Variants in DSC1 observed in about 807,000 individuals in gnomAD.
The protein encoded by DSC1 is desmocollin-1.
Under a neutral mutation model 98.8 loss-of-function variants are expected in DSC1, and 79 were observed. The observed-to-expected ratio is 0.80, with a 90% CI of 0.67 to 0.96. DSC1 has a LOEUF of 0.96. DSC1 is among the 50% of genes least tolerant of loss of function. The probability of loss-of-function intolerance (pLI) is 0.00; values close to 1 mark genes in which losing one functional copy is unlikely to be tolerated. For missense variants in DSC1, 1,115 were observed against 1,075.9 expected (o/e 1.04, Z -0.51); for synonymous variants, 405 against 372.1 (o/e 1.09, Z -1.02).
At chr18:31,145,135 C>G (rs1187689978) in intron 7 of DSC1, among the ~76,000 whole-genome samples, 2 of 151,530 alleles carry the variant, frequency 1.3e-5, no homozygotes, top group Non-Finnish European at 2.9e-5. Flanking sequence ...GTAGAGACGG[C>G]GTTTCATGGT....
intron 5 of DSC1, among the ~76,000 whole-genome samples, chr18:31,149,858 A>G (rs1403082301): frequency 2.0e-5 from 3 of 152,066 alleles, no homozygotes; most frequent in East Asian, 3.9e-4. Context: ...CTTCCTACTC[A>G]TTTTTCTCCA....
chr18:31,162,486 A>C (rs1215341815), intron 1 of DSC1, 46 bp downstream of exon 1: 1 of 1,576,914 alleles, frequency 6.3e-7, no homozygotes. Flanking sequence ...GAGAGGAAGC[A>C]GGTAGTAACA....
intron 7 of DSC1, among the ~76,000 whole-genome samples, chr18:31,145,185 G>C (rs998222574): frequency 5.9e-5 from 9 of 151,556 alleles, no homozygotes; most frequent in Non-Finnish European, 1.2e-4. Flanking sequence ...CTCATGATCC[G>C]CCCGCCTCAG....
Position 31,156,151 on chromosome 18 carries a change from C to T in DSC1, c.363G>A (p.Lys121=). 1 of 1,610,934 alleles carries T rather than the reference C, an allele frequency of 6.2e-7. No individual in the cohort carries two copies. The highest frequency in any genetic ancestry group is 8.5e-7 in the Non-Finnish European group (1 of 1,179,358). ...TGAGGGCTGTGTCTTTGGTATGTCT[C>T]TTCTTAGGAGACTACATTTGACAAG... is the stretch of plus-strand genomic sequence containing the variant. ...LSARENKSPK[K]RHTKDTALKR... The change falls in exon 4 of 16, where the codon AAG becomes AAA. Residue 121 remains lysine (K), a synonymous_variant. Transcript: ENST00000257198.
chr18:31,137,605 T>G (rs775888206), intron 11 of DSC1, among the ~76,000 whole-genome samples: 3 of 152,172 alleles, frequency 2.0e-5, no homozygotes, highest in Admixed American at 6.6e-5. Flanking sequence ...TTAAGCTTGT[T>G]AGGAGAACAG....
Position 31,162,659 on chromosome 18 carries a change from G to A in DSC1, c.-65C>T, listed in dbSNP as rs1257340617. 4 of 1,478,338 alleles carry A rather than the reference G, an allele frequency of 2.7e-6. No homozygotes were observed. The highest frequency in any genetic ancestry group is 3.8e-6 in the Non-Finnish European group (4 of 1,058,874). The allele number at this position is 1,478,338 out of a possible 1,614,324, so 91.6% of individuals were successfully genotyped here. On this transcript the variant is annotated 5_prime_UTR_variant, in exon 1 of 16. Transcript: ENST00000257198. ...CAGGGCAGCCTGGGATGCACAGAGC[G>A]GCTAAGAAGACGCTGGCACTTGCAC...
At chr18:31,130,874 A>G (rs935775478) in intron 15 of DSC1, 163 bp from the exon 16 acceptor site, 5 of 1,568,736 alleles carry the variant, frequency 3.2e-6, no homozygotes, top group Non-Finnish European at 2.6e-6. Context: ...GGTCTGTATT[A>G]TAGTCACTCT....
intron 1 of DSC1, among the ~76,000 whole-genome samples, chr18:31,161,430 C>A (rs1297975781): frequency 6.6e-6 from 1 of 152,012 alleles, no homozygotes; most frequent in Non-Finnish European, 1.5e-5. Flanking sequence ...TCCACTCCCA[C>A]CCCCATCTTC....
At chr18:31,130,924 T>C in intron 15 of DSC1, 1 of 1,308,144 alleles carries the variant, frequency 7.6e-7, no homozygotes, top group Admixed American at 2.3e-5. Flanking sequence ...AGTGAGCACA[T>C]TTAAAAAATT....
chr18:31,134,789 G>A lies in DSC1; in HGVS notation c.1664-5C>T, dbSNP rs370981346. On this transcript the variant is annotated splice_polypyrimidine_tract_variant and splice_region_variant and intron_variant, in intron 11 of 15. Coordinates refer to ENST00000257198, the MANE Select transcript of DSC1 (RefSeq NM_024421.2). Reference sequence around the variant, plus strand: ...TTCCAGTGCAAGATCGGCCAACTAAGATTAATTAAAAATAGGTTATTTCTT... The same window carrying A: ...TTCCAGTGCAAGATCGGCCAACTAAAATTAATTAAAAATAGGTTATTTCTT... 22 of 1,600,108 alleles carry A rather than the reference G, an allele frequency of 1.4e-5. No homozygotes were observed. The highest frequency in any genetic ancestry group is 1.9e-5 in the Non-Finnish European group (22 of 1,169,888).
chr18:31,148,517 C>A lies in DSC1; in HGVS notation c.753G>T (p.Val251=). The A allele has an allele frequency of 6.3e-7, 1 of 1,599,966 alleles. No homozygotes were observed. The highest frequency in any genetic ancestry group is 1.1e-5 in the South Asian group (1 of 89,210). The change falls in exon 6 of 16, where the codon GTG becomes GTT. Residue 251 remains valine (V), a synonymous_variant. Coordinates refer to ENST00000257198, the MANE Select transcript of DSC1 (RefSeq NM_024421.2). ...ACTTACCGGATCGGCAATTTTCAGG[C>A]ACAGTAAAGATAGTCACTCTGTGTT... The part of the protein sequence containing the change: ...YFEHRVTIFT[V]PENCRSGTSV...
chr18:31,150,781 G>C (rs1374578247), intron 5 of DSC1: 2 of 152,092 alleles, frequency 1.3e-5, no homozygotes, highest in African/African-American at 2.4e-5. Context: ...CTATAAAATG[G>C]TTTTATATCT....
rs781771037 is a variant in DSC1, at chr18:31,130,806, A to C, written c.2488-95T>G. ...TCTTTGATTTACCTTTTACTGTTTAATTTTTAATCAGAGTGTGTCCTCTAA... is the reference window on the plus strand; with the variant it reads ...TCTTTGATTTACCTTTTACTGTTTACTTTTTAATCAGAGTGTGTCCTCTAA... On this transcript the variant is annotated intron_variant, in intron 15 of 15. Transcript: ENST00000257198. The C allele has an allele frequency of 5.6e-6, 9 of 1,612,540 alleles. No homozygotes were observed. The Admixed American group carries it at 1.2e-4, about 21-fold the overall frequency.
At chr18:31,133,396 C>T (rs1315857875) in intron 13 of DSC1, among the ~76,000 whole-genome samples, 2 of 152,110 alleles carry the variant, frequency 1.3e-5, no homozygotes, top group East Asian at 3.8e-4. Flanking sequence ...CTCAGTGGCT[C>T]ATATGACCAT....
At chr18:31,137,459 T>C (rs1019724229) in intron 11 of DSC1, among the ~76,000 whole-genome samples, 11 of 152,176 alleles carry the variant, frequency 7.2e-5, no homozygotes, top group African/African-American at 1.9e-4. Context: ...TGGAGATTCA[T>C]AGGACTCTCA....
chr18:31,160,541 T>A (rs1191358141), intron 1 of DSC1, among the ~76,000 whole-genome samples: 5 of 152,164 alleles, frequency 3.3e-5, no homozygotes, highest in Non-Finnish European at 7.4e-5. Flanking sequence ...TGTAGCAGTC[T>A]AATTAAATAG....
At chr18:31,146,955 T>A (rs553862763) in intron 6 of DSC1, among the ~76,000 whole-genome samples, 1 of 152,188 alleles carries the variant, frequency 6.6e-6, no homozygotes, top group African/African-American at 2.4e-5. Context: ...AGTCCAGACA[T>A]GAGAGTATTA....
At chr18:31,150,061 CCAT>C (rs1441968372) in intron 5 of DSC1, among the ~76,000 whole-genome samples, 18 of 150,930 alleles carry the variant, frequency 1.2e-4, no homozygotes, top group Non-Finnish European at 2.7e-4. Flanking sequence ...ACCACCACCA[CCAT>C]CATCACCACC....
Position 31,140,234 on chromosome 18 carries a change from G to C in DSC1, c.1328C>G (p.Ser443Cys), listed in dbSNP as rs1331894749. Residue 443 changes from serine to cysteine, a missense_variant, in exon 10 of 16, where the codon TCT (serine) becomes TGT (cysteine). Coordinates refer to ENST00000257198, the MANE Select transcript of DSC1 (RefSeq NM_024421.2). The stretch of plus-strand genomic sequence containing the variant: ...AGGAGTTTGTGAGCTCGCTGCTTTA[G>C]AGAATTGTGCCTCGTTAATGACACC... ...QVGVINEAQF[S>C]KAASSQTPTM... The C allele has an allele frequency of 1.9e-6, 3 of 1,613,936 alleles. No individual in the cohort carries two copies. The highest frequency in any genetic ancestry group is 2.7e-5 in the African/African-American group (2 of 74,914).
Sources: allele counts gnomAD v4.1 joint callset (sites outside exome capture counted in the v4.1 genomes callset), GRCh38; gene constraint gnomAD v4.1.1; transcripts MANE v1.5; gene names NCBI Gene and HGNC (gene_info 2026-07-23, HGNC 2026-07-21).